MCUB: variants seen among roughly 807,000 people sequenced by gnomAD.
MCUB encodes mitochondrial calcium uniporter dominant negative subunit beta.
MCUB carries 46 observed loss-of-function variants against 41.4 expected under a neutral mutation model. The observed-to-expected ratio is 1.11, with a 90% CI of 0.88 to 1.42. The LOEUF is 1.42. MCUB is among the 40% of genes most tolerant of loss of function. MCUB has a pLI of 0.00. For missense variants in MCUB, 403 were observed against 404.9 expected, an observed-to-expected ratio of 1.00 and a Z score of 0.04; for synonymous variants, 148 against 148.2, an observed-to-expected ratio of 1.00 and a Z score of 0.01.
chr4:109,660,702 G>A (rs1729212844), intron 3 of MCUB, among the ~76,000 whole-genome samples: 1 of 152,046 alleles, frequency 6.6e-6, no homozygotes, highest in East Asian at 1.9e-4. Context: ...TGTAATCCCA[G>A]CTACTTGGGA....
At chr4:109,581,262 A>T (rs527750938) in intron 1 of MCUB, among the ~76,000 whole-genome samples, 35 of 152,348 alleles carry the variant, frequency 2.3e-4, no homozygotes, top group African/African-American at 7.9e-4. Flanking sequence ...GACAAACCTG[A>T]CAAAAACAAG....
intron 1 of MCUB, among the ~76,000 whole-genome samples, chr4:109,639,876 C>G (rs1208864795): frequency 6.6e-6 from 1 of 152,172 alleles, no homozygotes; most frequent in Non-Finnish European, 1.5e-5. Context: ...TAGCCCCTAT[C>G]AGCCCCAACA....
At position 109,648,481 on chromosome 4, in the gene MCUB, C is replaced by T. The variant is rs1223006856; in HGVS notation, c.100-10530C>T. 1.2e-5 allele frequency: 4 copies of T among 330,866 alleles called. No individual in the cohort carries two copies. The East Asian group carries it at 2.5e-4, about 21-fold the overall frequency. The allele number at this position is 330,866 out of a possible 1,614,324, so 20.5% of individuals were successfully genotyped here. A position where few individuals can be genotyped will look rare whatever the true frequency, so the allele number is the denominator to read the frequency against. ...AACGTATTCTGTTTCTGTTCTGTTT[C>T]AGTCATTTTGTGGATTAACTACTCG... On this transcript the variant is annotated intron_variant, in intron 1 of 7. Coordinates refer to ENST00000394650, the MANE Select transcript of MCUB (RefSeq NM_017918.5).
intron 1 of MCUB, among the ~76,000 whole-genome samples, chr4:109,652,873 C>T (rs1728991575): frequency 6.6e-6 from 1 of 152,106 alleles, no homozygotes; most frequent in Non-Finnish European, 1.5e-5. Context: ...TTTACTGAGC[C>T]CCTATTATGT....
chr4:109,656,932 T>C (rs1160884183), intron 1 of MCUB, among the ~76,000 whole-genome samples: 1 of 152,116 alleles, frequency 6.6e-6, no homozygotes, highest in African/African-American at 2.4e-5. Flanking sequence ...TTAGAAATAA[T>C]GCTCAGGCCG....
intron 1 of MCUB, among the ~76,000 whole-genome samples, chr4:109,619,018 A>ACC (rs1561229628): frequency 3.2e-5 from 3 of 93,136 alleles, no homozygotes; most frequent in East Asian, 6.4e-4. Context: ...CTACCTACCT[A>ACC]TCTACCTGCC....
chr4:109,588,870 A>G (rs1192659502), intron 1 of MCUB, among the ~76,000 whole-genome samples: 1 of 152,184 alleles, frequency 6.6e-6, no homozygotes, highest in African/African-American at 2.4e-5. Context: ...ACTAAATTGG[A>G]TATAAAGAAT....
intron 1 of MCUB, among the ~76,000 whole-genome samples, chr4:109,602,692 CT>C (rs1290356077): frequency 1.1e-4 from 16 of 152,234 alleles, no homozygotes; most frequent in African/African-American, 3.6e-4. Context: ...TAATCTAGGT[CT>C]TTTGTGGTTC....
intron 1 of MCUB, among the ~76,000 whole-genome samples, chr4:109,656,559 A>G (rs1729108445): frequency 6.6e-6 from 1 of 151,224 alleles, no homozygotes; most frequent in African/African-American, 2.4e-5. Flanking sequence ...TAATTTTTGT[A>G]GAGACAGGGT....
chr4:109,654,825 T>G (rs1729053250), intron 1 of MCUB, among the ~76,000 whole-genome samples: 1 of 152,216 alleles, frequency 6.6e-6, no homozygotes, highest in East Asian at 1.9e-4. Context: ...CAGAACACTC[T>G]GGCAGCACAT....
At chr4:109,568,877 C>T (rs1164946746) in intron 1 of MCUB, among the ~76,000 whole-genome samples, 3 of 152,114 alleles carry the variant, frequency 2.0e-5, no homozygotes, top group Non-Finnish European at 4.4e-5. Context: ...TATAAAGTTC[C>T]TTAATGGTGT....
chr4:109,560,370 G>A lies in MCUB; in HGVS notation c.33G>A (p.Thr11=), dbSNP rs957121347. 115 of 1,324,726 alleles carry A rather than the reference G, an allele frequency of 8.7e-5. No homozygotes were observed. The African/African-American group carries it at 1.7e-3, about 20-fold the overall frequency. The allele number at this position is 1,324,726 out of a possible 1,614,324, so 82.1% of individuals were successfully genotyped here. The change falls in exon 1 of 8, where the codon ACG becomes ACA. Residue 11 remains threonine, a synonymous_variant. Coordinates refer to ENST00000394650, the MANE Select transcript of MCUB (RefSeq NM_017918.5). The part of the protein sequence containing the change: MLQRGLWPWR[T]RLLPTPGTWR... The stretch of plus-strand genomic sequence containing the variant: ...AGAGGGGCCTCTGGCCGTGGCGCAC[G>A]CGGCTGCTGCCGACCCCTGGCACCT...
chr4:109,626,479 G>GA (rs1477273190), intron 1 of MCUB, among the ~76,000 whole-genome samples: 1 of 151,978 alleles, frequency 6.6e-6, no homozygotes, highest in Non-Finnish European at 1.5e-5. Flanking sequence ...ACAGACTCAT[G>GA]AAAAGTCCAT....
intron 1 of MCUB, among the ~76,000 whole-genome samples, chr4:109,567,492 A>T (rs77655330): frequency 0.18 from 14,036 of 79,282 alleles, 719 homozygotes; most frequent in Middle Eastern, 0.33. Context: ...AACATGGTGA[A>T]ACCAAACCTG....
intron 4 of MCUB, among the ~76,000 whole-genome samples, chr4:109,675,473 C>G (rs948331924): frequency 3.3e-5 from 5 of 152,222 alleles, no homozygotes; most frequent in Admixed American, 1.3e-4. Flanking sequence ...AAGGCCACAT[C>G]ATTTGGATGA....
chr4:109,654,999 A>G (rs1012578073), intron 1 of MCUB, among the ~76,000 whole-genome samples: 2 of 152,174 alleles, frequency 1.3e-5, no homozygotes, highest in Non-Finnish European at 2.9e-5. Context: ...TAAGATGCCA[A>G]TTATAAGTCC....
intron 1 of MCUB, among the ~76,000 whole-genome samples, chr4:109,610,416 T>C (rs2126133234): frequency 6.6e-6 from 1 of 152,336 alleles, no homozygotes; most frequent in South Asian, 2.1e-4. Flanking sequence ...TATTATATCT[T>C]TTAATTTAAT....
intron 1 of MCUB, among the ~76,000 whole-genome samples, chr4:109,653,410 T>C (rs1729007701): frequency 1.3e-5 from 2 of 151,676 alleles, no homozygotes; most frequent in Admixed American, 1.3e-4. Flanking sequence ...AACTGCCAAA[T>C]GTTTTCCAGA....
intron 1 of MCUB, among the ~76,000 whole-genome samples, chr4:109,603,314 C>T (rs10024722): frequency 0.28 from 41,967 of 152,004 alleles, 5,909 homozygotes; most frequent in African/African-American, 0.32. Context: ...CCGGGCTGGT[C>T]TCCGGCTCCT....
Sources: gnomAD v4.1 joint callset for allele counts (sites outside exome capture counted in the v4.1 genomes callset) on GRCh38, gnomAD v4.1.1 for gene constraint, MANE v1.5 for transcripts, NCBI Gene and HGNC (gene_info 2026-07-23, HGNC 2026-07-21) for gene names.